XRCC4: variants seen among roughly 807,000 people sequenced by gnomAD.
The protein encoded by XRCC4 is DNA repair protein XRCC4.
Under a neutral mutation model 39.1 loss-of-function variants are expected in XRCC4, and 28 were observed. The observed-to-expected ratio is 0.72, with a 90% CI of 0.53 to 0.98. The LOEUF is 0.98. Among genes scored for constraint, XRCC4 ranks in the 50% least tolerant of loss-of-function variants. XRCC4 has a pLI of 0.00. For missense variants in XRCC4, 350 were observed against 376.4 expected, an observed-to-expected ratio of 0.93 and a Z score of 0.58; for synonymous variants, 123 against 126.4, an observed-to-expected ratio of 0.97 and a Z score of 0.18.
chr5:83,272,211 T>C (rs1486282481), intron 7 of XRCC4, among the ~76,000 whole-genome samples: 1 of 152,210 alleles, frequency 6.6e-6, no homozygotes, highest in East Asian at 1.9e-4. Flanking sequence ...CATTATTGTG[T>C]ATAATATTGT....
At chr5:83,131,022 T>G (rs555777358) in intron 3 of XRCC4, among the ~76,000 whole-genome samples, 1 of 152,154 alleles carries the variant, frequency 6.6e-6, no homozygotes, top group Admixed American at 6.6e-5. Flanking sequence ...CTTTTGAATA[T>G]GTTTGCTCTT....
At chr5:83,082,209 C>G (rs1744975415) in intron 1 of XRCC4, among the ~76,000 whole-genome samples, 1 of 152,126 alleles carries the variant, frequency 6.6e-6, no homozygotes, top group African/African-American at 2.4e-5. Flanking sequence ...ACAGTCTATT[C>G]TCATATGTCA....
At chr5:83,334,622 C>G (rs1756536132) in intron 7 of XRCC4, among the ~76,000 whole-genome samples, 1 of 151,722 alleles carries the variant, frequency 6.6e-6, no homozygotes, top group Admixed American at 6.6e-5. Flanking sequence ...TTTTATAATA[C>G]AACTACTTTT....
chr5:83,096,971 A>AC (rs905875609), intron 1 of XRCC4, among the ~76,000 whole-genome samples: 27 of 152,162 alleles, frequency 1.8e-4, no homozygotes, highest in African/African-American at 6.5e-4. Flanking sequence ...TAGAACTTGT[A>AC]CCCTTACAAG....
intron 3 of XRCC4, among the ~76,000 whole-genome samples, chr5:83,128,942 G>A (rs568645784): frequency 2.7e-4 from 41 of 152,102 alleles, no homozygotes; most frequent in Non-Finnish European, 4.9e-4. Flanking sequence ...TCACTCTGAC[G>A]ATAGTTTCTT....
At chr5:83,369,040 G>A in the XRCC4 span, among the ~76,000 whole-genome samples, 1 of 152,110 alleles carries the variant, frequency 6.6e-6, no homozygotes, top group South Asian at 2.1e-4. Flanking sequence ...TATTAGAAAC[G>A]TTACTAGCAT....
chr5:83,166,634 T>A (rs1239427519), intron 3 of XRCC4, among the ~76,000 whole-genome samples: 1 of 151,080 alleles, frequency 6.6e-6, no homozygotes, highest in Non-Finnish European at 1.5e-5. Context: ...TAGCTAATTT[T>A]TTTTTTTTTT....
At chr5:83,344,130 T>TCACA (rs61032306) in intron 7 of XRCC4, among the ~76,000 whole-genome samples, 4,339 of 148,154 alleles carry the variant, frequency 0.029, 90 homozygotes, top group African/African-American at 0.051. Context: ...GACACAGATC[T>TCACA]CACACACACA....
chr5:83,222,513 T>C (rs1302692058), intron 6 of XRCC4, among the ~76,000 whole-genome samples: 2 of 152,184 alleles, frequency 1.3e-5, no homozygotes, highest in Non-Finnish European at 2.9e-5. Flanking sequence ...TATCCCTTTT[T>C]GTTCATATGT....
chr5:83,140,062 T>C (rs1388073573), intron 3 of XRCC4, among the ~76,000 whole-genome samples: 1 of 152,244 alleles, frequency 6.6e-6, no homozygotes, highest in Non-Finnish European at 1.5e-5. Flanking sequence ...TGTTCACTTA[T>C]TTTCTCAGTC....
intron 6 of XRCC4, among the ~76,000 whole-genome samples, chr5:83,235,741 AG>A (rs1214176317): frequency 1.3e-5 from 2 of 151,792 alleles, no homozygotes; most frequent in Non-Finnish European, 2.9e-5. Context: ...GGCAAGGGAA[AG>A]AAATTAAGGG....
At chr5:83,269,481 A>G (rs964579296) in intron 7 of XRCC4, among the ~76,000 whole-genome samples, 21 of 151,318 alleles carry the variant, frequency 1.4e-4, no homozygotes, top group African/African-American at 4.6e-4. Context: ...GGGAGGCACA[A>G]ATAACAAAGA....
chr5:83,268,505 GTAATT>G (rs1754032276), intron 7 of XRCC4, among the ~76,000 whole-genome samples: 2 of 152,012 alleles, frequency 1.3e-5, no homozygotes, highest in South Asian at 4.1e-4. Flanking sequence ...GCACCTATAA[GTAATT>G]TATCAGCAAG....
chr5:83,084,712 C>T (rs1288721656), intron 1 of XRCC4, among the ~76,000 whole-genome samples: 4 of 152,130 alleles, frequency 2.6e-5, no homozygotes, highest in Admixed American at 6.5e-5. Flanking sequence ...ATCTCTGACA[C>T]GTAGCACAAA....
At chr5:83,095,041 C>G (rs1214204672) in intron 1 of XRCC4, among the ~76,000 whole-genome samples, 1 of 152,056 alleles carries the variant, frequency 6.6e-6, no homozygotes, top group East Asian at 1.9e-4. Context: ...AGACAACCAC[C>G]TTTTCCAGCT....
At chr5:83,237,144 C>T (rs1192489942) in intron 6 of XRCC4, among the ~76,000 whole-genome samples, 3 of 151,906 alleles carry the variant, frequency 2.0e-5, no homozygotes, top group African/African-American at 7.3e-5. Context: ...TATGAGAGAA[C>T]AATACAGATG....
intron 7 of XRCC4, among the ~76,000 whole-genome samples, chr5:83,332,119 A>G (rs775593256): frequency 1.4e-4 from 22 of 152,038 alleles, no homozygotes; most frequent in Non-Finnish European, 3.2e-4. Flanking sequence ...TCTTCTAATA[A>G]AGTCCCAGTT....
At chr5:83,153,633 T>C (rs1176666989) in intron 3 of XRCC4, among the ~76,000 whole-genome samples, 1 of 152,166 alleles carries the variant, frequency 6.6e-6, no homozygotes, top group Non-Finnish European at 1.5e-5. Context: ...ATAGTGATGA[T>C]GACAAAGGCT....
intron 7 of XRCC4, among the ~76,000 whole-genome samples, chr5:83,300,202 T>C (rs1429159063): frequency 6.6e-6 from 1 of 152,192 alleles, no homozygotes; most frequent in Admixed American, 6.5e-5. Flanking sequence ...CCTTTATAGA[T>C]GGTCTCCTAT....
Sources: allele counts gnomAD v4.1 joint callset (sites outside exome capture counted in the v4.1 genomes callset), GRCh38; gene constraint gnomAD v4.1.1; transcripts MANE v1.5; gene names NCBI Gene and HGNC (gene_info 2026-07-23, HGNC 2026-07-21).